Variants in ROBO1 observed in about 807,000 individuals in gnomAD.
ROBO1 encodes roundabout homolog 1.
ROBO1 carries 149 observed loss-of-function variants against 195.9 expected under a neutral mutation model. The ratio of observed to expected loss-of-function variants is 0.76; its 90% confidence interval spans 0.67 to 0.87. ROBO1 has a LOEUF of 0.87. Ranked by LOEUF, ROBO1 falls within the 40% of genes least tolerant of loss-of-function variation. ROBO1 has a pLI of 0.00. For missense variants in ROBO1, 1,933 were observed against 2,068.3 expected (o/e 0.93, Z 1.27); for synonymous variants, 816 against 733.2 (o/e 1.11, Z -1.82).
At chr3:78,985,857 T>C (rs2077094279) in intron 3 of ROBO1, among the ~76,000 whole-genome samples, 1 of 152,164 alleles carries the variant, frequency 6.6e-6, no homozygotes, top group Admixed American at 6.6e-5. Flanking sequence ...GTTGCTAAAG[T>C]ATCATGGAAA....
intron 10 of ROBO1, among the ~76,000 whole-genome samples, chr3:78,677,443 GAC>G (rs1168825218): frequency 6.6e-6 from 1 of 152,032 alleles, no homozygotes; most frequent in Non-Finnish European, 1.5e-5. Flanking sequence ...CACATGCAGA[GAC>G]ACACACAGGC....
At chr3:79,290,324 G>A (rs543282936) in intron 2 of ROBO1, among the ~76,000 whole-genome samples, 1 of 152,110 alleles carries the variant, frequency 6.6e-6, no homozygotes, top group East Asian at 1.9e-4. Context: ...GAGCTACTGT[G>A]CCTGGCCTAC....
At chr3:79,153,387 G>A (rs1483706382) in intron 2 of ROBO1, among the ~76,000 whole-genome samples, 1 of 151,656 alleles carries the variant, frequency 6.6e-6, no homozygotes, top group Non-Finnish European at 1.5e-5. Flanking sequence ...TTGAAAGCTA[G>A]CTCCATGTTC....
chr3:78,816,561 A>G (rs962573452), intron 4 of ROBO1, among the ~76,000 whole-genome samples: 1 of 152,164 alleles, frequency 6.6e-6, no homozygotes, highest in Non-Finnish European at 1.5e-5. Context: ...AAGTAAATAG[A>G]AAACGTTCTG....
chr3:78,914,182 T>C (rs1191583202), intron 4 of ROBO1, among the ~76,000 whole-genome samples: 2 of 152,190 alleles, frequency 1.3e-5, no homozygotes, highest in African/African-American at 2.4e-5. Context: ...CAGAGACATA[T>C]GTTGTGCTTC....
At chr3:79,381,790 T>G (rs1379868769) in intron 2 of ROBO1, among the ~76,000 whole-genome samples, 2 of 152,066 alleles carry the variant, frequency 1.3e-5, no homozygotes, top group Non-Finnish European at 2.9e-5. Context: ...TATTAATATG[T>G]AGGTATATAT....
chr3:79,474,615 T>A (rs1328499630), intron 2 of ROBO1, among the ~76,000 whole-genome samples: 1 of 152,066 alleles, frequency 6.6e-6, no homozygotes, highest in Admixed American at 6.6e-5. Flanking sequence ...ACATAAATTT[T>A]AAAAAACATT....
chr3:79,298,743 T>C (rs751765403), intron 2 of ROBO1, among the ~76,000 whole-genome samples: 2 of 152,158 alleles, frequency 1.3e-5, no homozygotes, highest in Admixed American at 6.5e-5. Context: ...AAGTTCTTCA[T>C]GTAAACAGAT....
chr3:79,297,707 C>A (rs1412901410), intron 2 of ROBO1, among the ~76,000 whole-genome samples: 1 of 152,096 alleles, frequency 6.6e-6, no homozygotes, highest in South Asian at 2.1e-4. Flanking sequence ...AGAAATTGTT[C>A]TAAATATTCT....
chr3:79,324,508 T>C (rs1454678439), intron 2 of ROBO1, among the ~76,000 whole-genome samples: 1 of 152,078 alleles, frequency 6.6e-6, no homozygotes, highest in Non-Finnish European at 1.5e-5. Context: ...GATGAAATCT[T>C]TGGGGAGTGA....
intron 2 of ROBO1, among the ~76,000 whole-genome samples, chr3:79,163,463 G>A (rs546724010): frequency 6.6e-6 from 1 of 152,190 alleles, no homozygotes; most frequent in East Asian, 1.9e-4. Context: ...TATTTCAGCT[G>A]TTGTGAATAA....
At chr3:78,695,764 G>T (rs1413251717) in intron 8 of ROBO1, among the ~76,000 whole-genome samples, 1 of 151,852 alleles carries the variant, frequency 6.6e-6, no homozygotes, top group East Asian at 1.9e-4. Flanking sequence ...TATCTTGAAT[G>T]GTCATTTAAG....
intron 4 of ROBO1, among the ~76,000 whole-genome samples, chr3:78,863,815 G>A (rs2034998419): frequency 6.6e-6 from 1 of 152,126 alleles, no homozygotes; most frequent in African/African-American, 2.4e-5. Context: ...GTTAGGGATG[G>A]GAGAGTCCCT....
At chr3:78,970,315 G>C (rs577419651) in intron 3 of ROBO1, among the ~76,000 whole-genome samples, 1 of 151,966 alleles carries the variant, frequency 6.6e-6, no homozygotes, top group Non-Finnish European at 1.5e-5. Flanking sequence ...TTCACATAAC[G>C]ATGTCTCCTT....
chr3:78,686,055 A>T (rs147064799), intron 9 of ROBO1, 138 bp from the exon 10 acceptor site: 10 of 662,332 alleles, frequency 1.5e-5, no homozygotes, highest in African/African-American at 1.5e-4. Flanking sequence ...ATCCGTCTAT[A>T]TACACACACA....
intron 8 of ROBO1, among the ~76,000 whole-genome samples, chr3:78,704,061 A>G (rs2081487709): frequency 6.6e-6 from 1 of 152,004 alleles, no homozygotes; most frequent in East Asian, 1.9e-4. Context: ...ATGTTGATGA[A>G]CTCACAGTTC....
At chr3:79,662,211 C>T (rs1243357107) in intron 1 of ROBO1, among the ~76,000 whole-genome samples, 1 of 152,062 alleles carries the variant, frequency 6.6e-6, no homozygotes. Context: ...TTTAACTTCA[C>T]ATTGAAAAAC....
intron 2 of ROBO1, among the ~76,000 whole-genome samples, chr3:79,560,558 T>TATATACACAC (rs5850439): frequency 2.3e-5 from 3 of 129,702 alleles, no homozygotes; most frequent in Non-Finnish European, 3.2e-5. Context: ...TATATATATA[T>TATATACACAC]ACACATACAC....
chr3:79,552,213 G>A (rs186304438), intron 2 of ROBO1, among the ~76,000 whole-genome samples: 4 of 151,928 alleles, frequency 2.6e-5, no homozygotes, highest in African/African-American at 7.2e-5. Context: ...TGTCAAATAC[G>A]CTTGGACAAC....
Sources: gnomAD v4.1 joint callset for allele counts (sites outside exome capture counted in the v4.1 genomes callset) on GRCh38, gnomAD v4.1.1 for gene constraint, MANE v1.5 for transcripts, NCBI Gene and HGNC (gene_info 2026-07-23, HGNC 2026-07-21) for gene names.